TULP4: variants seen among roughly 807,000 people sequenced by gnomAD.
The protein encoded by TULP4 is tubby-related protein 4.
In TULP4, 16 loss-of-function variants were observed where a neutral mutation model predicts 129.0. That is an observed-to-expected ratio of 0.12 (90% CI 0.08 to 0.19). The LOEUF is 0.19. Ranked by LOEUF, TULP4 falls within the 10% of genes least tolerant of loss-of-function variation. The probability of loss-of-function intolerance (pLI) is 1.00; values close to 1 mark genes in which losing one functional copy is unlikely to be tolerated. For missense variants in TULP4, 1,842 were observed against 2,059.1 expected (o/e 0.89, Z 2.04); for synonymous variants, 998 against 854.0 (o/e 1.17, Z -2.94).
chr6:158,452,321 G>T, intron 5 of TULP4, 53 bp downstream of exon 5: 1 of 1,598,886 alleles, frequency 6.3e-7, no homozygotes, highest in Non-Finnish European at 8.5e-7. Context: ...GTGTGTGCTT[G>T]CCTCAAGGCC....
Position 158,366,003 on chromosome 6 carries a change from T to C in TULP4, c.253-47062T>C, listed in dbSNP as rs570544505. On this transcript the variant is annotated intron_variant, in intron 1 of 13. Transcript: ENST00000367097. ...CTGCAAGCTGCACCTCCCAGGTTCATGCCATTCTCCTGCCTCAGCCTCCCT... is the reference window on the plus strand; with the variant it reads ...CTGCAAGCTGCACCTCCCAGGTTCACGCCATTCTCCTGCCTCAGCCTCCCT... Among the ~76,000 whole-genome samples, 1,219 of 141,454 alleles carry C rather than the reference T, an allele frequency of 8.6e-3. 11 individuals carry two copies. Among genetic ancestry groups the C allele is most frequent in the East Asian group, 0.012 (54 of 4,324 alleles). 92.8% of individuals were successfully genotyped at this position (141,454 alleles called of 152,430 possible).
At chr6:158,260,750 G>A (rs990303411) in intron 1 of TULP4, among the ~76,000 whole-genome samples, 6 of 152,048 alleles carry the variant, frequency 3.9e-5, no homozygotes, top group African/African-American at 1.4e-4. Flanking sequence ...AATGCCTGGG[G>A]AGGTGGAAGG....
chr6:158,262,215 A>G (rs1293165602), intron 1 of TULP4, among the ~76,000 whole-genome samples: 1 of 152,128 alleles, frequency 6.6e-6, no homozygotes, highest in Non-Finnish European at 1.5e-5. Context: ...TGCTGTCACA[A>G]ACACCACACC....
chr6:158,327,241 G>C (rs1779764901), intron 1 of TULP4, among the ~76,000 whole-genome samples: 1 of 152,130 alleles, frequency 6.6e-6, no homozygotes, highest in Non-Finnish European at 1.5e-5. Context: ...ACATTCAAAA[G>C]TTTATGCATG....
chr6:158,457,556 G>A (rs1779320133), intron 5 of TULP4, among the ~76,000 whole-genome samples: 2 of 152,132 alleles, frequency 1.3e-5, no homozygotes, highest in South Asian at 4.1e-4. Context: ...TTTACCCATT[G>A]TTATGACTTC....
At chr6:158,379,695 A>G (rs1777279999) in intron 1 of TULP4, among the ~76,000 whole-genome samples, 1 of 152,162 alleles carries the variant, frequency 6.6e-6, no homozygotes. Context: ...CCAGAGACAG[A>G]GGGTCCAGGT....
rs1166667888 is a variant in TULP4 at position 158,239,060 on chromosome 6, A to AC, written n.68+6764dup. On this transcript the variant is annotated intron_variant and non_coding_transcript_variant, in intron 1 of 1. Coordinates refer to the TULP4 transcript ENST00000620026. The stretch of plus-strand genomic sequence containing the variant: ...AGGCGGCTGGCCGGGCGGGGGGCTG[A>AC]CCCCCCCACCTCCCTCCCGGACGGG... Among the ~76,000 whole-genome samples, 23 of 87,210 alleles carry AC rather than the reference A, an allele frequency of 2.6e-4. 1 individual carries two copies. The highest frequency in any genetic ancestry group is 8.2e-4 in the African/African-American group (22 of 26,790). The allele number at this position is 87,210 out of a possible 152,430, so 57.2% of individuals were successfully genotyped here.
chr6:158,385,943 C>T (rs1208130379), intron 1 of TULP4, among the ~76,000 whole-genome samples: 1 of 146,620 alleles, frequency 6.8e-6, no homozygotes, highest in East Asian at 2.0e-4. Flanking sequence ...CTCCTAAGCT[C>T]AAGCAATCCT....
chr6:158,425,193 C>T (rs1309214609), intron 2 of TULP4, among the ~76,000 whole-genome samples: 1 of 127,516 alleles, frequency 7.8e-6, no homozygotes, highest in Admixed American at 8.3e-5. Flanking sequence ...CAATGTCATA[C>T]ACCTACTAGA....
chr6:158,454,602 TTC>T (rs558024905), intron 5 of TULP4, among the ~76,000 whole-genome samples: 3 of 148,690 alleles, frequency 2.0e-5, no homozygotes, highest in African/African-American at 4.9e-5. Flanking sequence ...GGAGCAACAG[TTC>T]TCTCTTTTTT....
At chr6:158,435,379 G>A (rs1778728474) in intron 3 of TULP4, among the ~76,000 whole-genome samples, 1 of 152,108 alleles carries the variant, frequency 6.6e-6, no homozygotes, top group Non-Finnish European at 1.5e-5. Context: ...GCAGCCTGGT[G>A]CTTCCATCCT....
At position 158,368,066 on chromosome 6, in the gene TULP4, C is replaced by CAAAAAAAAAAAAAAAAAAAA. The variant is rs3085241; in HGVS notation, c.253-44996_253-44977dup. On this transcript the variant is annotated intron_variant, in intron 1 of 13. Transcript: ENST00000367097. ...ACTCCAGCCTGGGTGACCCTGTCTC[C>CAAAAAAAAAAAAAAAAAAAA]AAAAAAAAAAAAAAAAAAAAAAGGA... Among the ~76,000 whole-genome samples the CAAAAAAAAAAAAAAAAAAAA allele has an allele frequency of 2.6e-4, 17 of 65,014 alleles. 1 individual carries two copies. Among genetic ancestry groups the CAAAAAAAAAAAAAAAAAAAA allele is most frequent in the South Asian group, 6.9e-4 (1 of 1,446 alleles). The allele number at this position is 65,014 out of a possible 152,430, so 42.7% of individuals were successfully genotyped here.
intron 1 of TULP4, among the ~76,000 whole-genome samples, chr6:158,365,875 CT>C (rs765731288): frequency 0.065 from 4,621 of 71,082 alleles, 100 homozygotes; most frequent in Non-Finnish European, 0.1. Flanking sequence ...GTTCGTTTTT[CT>C]TTTTTTTTTT....
At chr6:158,409,831 G>A (rs1014655952) in intron 1 of TULP4, among the ~76,000 whole-genome samples, 1 of 152,058 alleles carries the variant, frequency 6.6e-6, no homozygotes, top group East Asian at 1.9e-4. Flanking sequence ...ATGTTTCCAT[G>A]TACTGCTGCA....
intron 1 of TULP4, among the ~76,000 whole-genome samples, chr6:158,342,562 A>G (rs890469602): frequency 7.9e-5 from 12 of 152,242 alleles, no homozygotes; most frequent in Non-Finnish European, 1.6e-4. Context: ...TCCTAGAATA[A>G]TGAGACAACT....
intron 1 of TULP4, among the ~76,000 whole-genome samples, chr6:158,275,196 A>G (rs375994123): frequency 6.6e-6 from 1 of 152,210 alleles, no homozygotes; most frequent in Admixed American, 6.5e-5. Flanking sequence ...ACGCGCTACA[A>G]GTGTCCCGCA....
chr6:158,337,035 T>TTTC lies in TULP4; in HGVS notation c.252+22769_252+22770insCTT, dbSNP rs1780052753. On this transcript the variant is annotated intron_variant, in intron 1 of 13. Transcript: ENST00000367097. ...GAGCTGTAAAATTTTCTTTCTTTCT[T>TTTC]TTTCTTTCTTTCTTTCTTTCTTTCT... Among the ~76,000 whole-genome samples, 66 of 26,682 alleles carry TTTC rather than the reference T, an allele frequency of 2.5e-3. 2 individuals carry two copies. Among genetic ancestry groups the TTTC allele is most frequent in the African/African-American group, 4.0e-3 (59 of 14,778 alleles). 17.5% of individuals were successfully genotyped at this position (26,682 alleles called of 152,430 possible). A position where few individuals can be genotyped will look rare whatever the true frequency, so the allele number is the denominator to read the frequency against.
chr6:158,286,941 T>C (rs1002683672), intron 1 of TULP4, among the ~76,000 whole-genome samples: 3 of 152,236 alleles, frequency 2.0e-5, no homozygotes, highest in African/African-American at 7.2e-5. Flanking sequence ...CGCACAGTAA[T>C]GCTTTTGGAA....
chr6:158,393,005 A>T (rs199638813), intron 1 of TULP4, among the ~76,000 whole-genome samples: 414 of 105,064 alleles, frequency 3.9e-3, no homozygotes, highest in Middle Eastern at 9.1e-3. Flanking sequence ...AAAAAAATCA[A>T]CAACAAGTGA....
Sources: gnomAD v4.1 joint callset for allele counts (sites outside exome capture counted in the v4.1 genomes callset) on GRCh38, gnomAD v4.1.1 for gene constraint, MANE v1.5 for transcripts, NCBI Gene and HGNC (gene_info 2026-07-23, HGNC 2026-07-21) for gene names.